GABRG3: variants seen among roughly 807,000 people sequenced by gnomAD.
GABRG3 encodes the protein gamma-aminobutyric acid receptor subunit gamma-3.
GABRG3 carries 25 observed loss-of-function variants against 48.8 expected under a neutral mutation model. The observed-to-expected ratio is 0.51, with a 90% CI of 0.37 to 0.72. The LOEUF (loss-of-function observed/expected upper bound fraction) is 0.72. Ranked by LOEUF, GABRG3 falls within the 30% of genes least tolerant of loss-of-function variation. GABRG3 has a pLI of 0.00. For synonymous variants in GABRG3, 227 were observed against 217.6 expected (o/e 1.04, Z -0.38); for missense variants, 394 against 577.9 (o/e 0.68, Z 3.26).
intron 3 of GABRG3, among the ~76,000 whole-genome samples, chr15:27,216,455 T>A (rs1444623936): frequency 6.6e-6 from 1 of 152,178 alleles, no homozygotes; most frequent in African/African-American, 2.4e-5. Flanking sequence ...CACAGCTACA[T>A]CTGCAAGGCA....
intron 3 of GABRG3, among the ~76,000 whole-genome samples, chr15:27,246,596 T>A (rs1372703951): frequency 6.6e-6 from 1 of 152,226 alleles, no homozygotes; most frequent in East Asian, 1.9e-4. Flanking sequence ...AATTTTTTTT[T>A]ATGTTGGCTT....
At chr15:27,411,846 C>T (rs533735382) in intron 5 of GABRG3, among the ~76,000 whole-genome samples, 4 of 152,084 alleles carry the variant, frequency 2.6e-5, no homozygotes, top group Non-Finnish European at 5.9e-5. Flanking sequence ...TGGCTACACC[C>T]AGTGCATTAT....
chr15:27,126,852 G>A (rs1897829903), intron 3 of GABRG3, among the ~76,000 whole-genome samples: 1 of 152,202 alleles, frequency 6.6e-6, no homozygotes, highest in African/African-American at 2.4e-5. Context: ...TTGGCTTCAG[G>A]TGACAGCGAT....
chr15:27,315,662 A>T (rs960069089), intron 3 of GABRG3, among the ~76,000 whole-genome samples: 1 of 152,230 alleles, frequency 6.6e-6, no homozygotes, highest in Non-Finnish European at 1.5e-5. Context: ...CATTATTTTT[A>T]TTCACATTAT....
At chr15:27,039,137 C>T (rs995111986) in intron 3 of GABRG3, among the ~76,000 whole-genome samples, 8 of 152,178 alleles carry the variant, frequency 5.3e-5, no homozygotes, top group Non-Finnish European at 7.3e-5. Context: ...GCCAAGTCTG[C>T]GGGCAGTTCT....
At chr15:27,023,966 A>T (rs1323163291) in intron 2 of GABRG3, among the ~76,000 whole-genome samples, 1 of 152,040 alleles carries the variant, frequency 6.6e-6, no homozygotes, top group Admixed American at 6.5e-5. Flanking sequence ...GGCACTTGTT[A>T]TTTTCTGTTG....
At chr15:26,972,617 A>G (rs1894867893) in intron 1 of GABRG3, among the ~76,000 whole-genome samples, 1 of 152,178 alleles carries the variant, frequency 6.6e-6, no homozygotes, top group Non-Finnish European at 1.5e-5. Flanking sequence ...GAGCTAGAGA[A>G]TCAGAGGGCA....
chr15:27,179,676 G>C lies in GABRG3; in HGVS notation c.271-147133G>C, dbSNP rs1341882057. Among the ~76,000 whole-genome samples the C allele has an allele frequency of 1.3e-5, 2 of 152,106 alleles. No individual in the cohort carries two copies. The highest frequency in any genetic ancestry group is 2.9e-5 in the Non-Finnish European group (2 of 68,024). On this transcript the variant is annotated intron_variant, in intron 3 of 9. Coordinates refer to ENST00000615808, the MANE Select transcript of GABRG3 (RefSeq NM_033223.5). This position sits in a 1 kb window ranked among gnomAD's most constrained non-coding sequence, Gnocchi z 4.0. ...GTCCTGCCGGGGGTCCATTCATCTT[G>C]TATCTTCAGAAGTTTTGTTTGATTC...
At chr15:27,190,681 C>G (rs564072393) in intron 3 of GABRG3, among the ~76,000 whole-genome samples, 12 of 152,150 alleles carry the variant, frequency 7.9e-5, no homozygotes, top group Admixed American at 7.9e-4. Context: ...AAACCAGCTC[C>G]CGGATTCATT....
At chr15:27,216,051 A>C (rs1425227391) in intron 3 of GABRG3, among the ~76,000 whole-genome samples, 4 of 152,212 alleles carry the variant, frequency 2.6e-5, no homozygotes, top group Non-Finnish European at 5.9e-5. Flanking sequence ...GCTATCAAGG[A>C]GACTCTGCAA....
At chr15:27,258,484 G>A (rs780667070) in intron 3 of GABRG3, among the ~76,000 whole-genome samples, 2 of 152,012 alleles carry the variant, frequency 1.3e-5, no homozygotes, top group African/African-American at 2.4e-5. Context: ...AGTGTGAGCC[G>A]TGGGGCACAC....
intron 3 of GABRG3, among the ~76,000 whole-genome samples, chr15:27,164,808 T>C (rs1887320677): frequency 6.6e-6 from 1 of 152,228 alleles, no homozygotes; most frequent in Non-Finnish European, 1.5e-5. Flanking sequence ...CTGACTACTG[T>C]TTTGAAAGGG....
chr15:27,077,088 T>C (rs1391744879), intron 3 of GABRG3, among the ~76,000 whole-genome samples: 1 of 152,184 alleles, frequency 6.6e-6, no homozygotes, highest in South Asian at 2.1e-4. Flanking sequence ...ATGCTTGACC[T>C]ATCTGTCTTC....
At chr15:27,224,099 G>A (rs561565883) in intron 3 of GABRG3, among the ~76,000 whole-genome samples, 3 of 152,310 alleles carry the variant, frequency 2.0e-5, no homozygotes, top group Admixed American at 6.5e-5. Flanking sequence ...CGTGGAAGCC[G>A]TGGACTGAGC....
chr15:27,059,129 C>T (rs1034414301), intron 3 of GABRG3, among the ~76,000 whole-genome samples: 5 of 152,240 alleles, frequency 3.3e-5, no homozygotes, highest in African/African-American at 1.2e-4. Context: ...TGCCCTCTGC[C>T]ATTCAGGGAA....
intron 2 of GABRG3, among the ~76,000 whole-genome samples, chr15:27,000,784 A>G (rs959841115): frequency 5.9e-5 from 9 of 152,140 alleles, no homozygotes; most frequent in Non-Finnish European, 1.2e-4. Context: ...GAACCGTTAA[A>G]CCATTAAACG....
At chr15:27,532,307 C>G (rs549799266) in intron 9 of GABRG3, among the ~76,000 whole-genome samples, 135 of 151,988 alleles carry the variant, frequency 8.9e-4, no homozygotes, top group East Asian at 3.1e-3. Flanking sequence ...CCAGGGGTCT[C>G]CTCTCTCAGC....
chr15:27,402,661 A>G (rs116771827), intron 5 of GABRG3, among the ~76,000 whole-genome samples: 410 of 152,368 alleles, frequency 2.7e-3, no homozygotes, highest in African/African-American at 9.2e-3. Context: ...TTGTGCTCCT[A>G]GTTACCCAGA....
At chr15:27,240,056 TC>T (rs1265735143) in intron 3 of GABRG3, among the ~76,000 whole-genome samples, 1 of 152,218 alleles carries the variant, frequency 6.6e-6, no homozygotes, top group Admixed American at 6.5e-5. Flanking sequence ...TTAATTAGTG[TC>T]ATCAATTACT....
Sources: allele counts gnomAD v4.1 joint callset (sites outside exome capture counted in the v4.1 genomes callset), GRCh38; gene constraint gnomAD v4.1.1; non-coding constraint Gnocchi (gnomAD v3.1); transcripts MANE v1.5; gene names NCBI Gene and HGNC (gene_info 2026-07-23, HGNC 2026-07-21).